The following CADM2 variants were observed in gnomAD, a reference collection of about 807,000 sequenced individuals.
CADM2 encodes immunoglobulin superfamily member 4D.
In CADM2, 12 loss-of-function variants were observed where a neutral mutation model predicts 49.8. That is an observed-to-expected ratio of 0.24 (90% CI 0.15 to 0.39). The LOEUF is 0.39. Among genes scored for constraint, CADM2 ranks in the 10% least tolerant of loss-of-function variants. The pLI is 1.00. For synonymous variants in CADM2, 214 were observed against 175.4 expected, an observed-to-expected ratio of 1.22 and a Z score of -1.74; for missense variants, 378 against 492.3, an observed-to-expected ratio of 0.77 and a Z score of 2.20.
intron 1 of CADM2, among the ~76,000 whole-genome samples, chr3:85,709,519 A>G (rs2067050899): frequency 1.3e-5 from 2 of 152,142 alleles, no homozygotes; most frequent in Admixed American, 6.5e-5. Flanking sequence ...ACCTACACTA[A>G]CAAAAATGGT....
intron 1 of CADM2, among the ~76,000 whole-genome samples, chr3:85,411,487 G>A (rs2035653041): frequency 6.6e-6 from 1 of 152,136 alleles, no homozygotes; most frequent in South Asian, 2.1e-4. Context: ...TTAAATAAGT[G>A]GGATGATTCT....
intron 1 of CADM2, among the ~76,000 whole-genome samples, chr3:85,568,469 C>CTTTCTT (rs374134738): frequency 0.027 from 292 of 11,014 alleles, 24 homozygotes; most frequent in African/African-American, 0.033. Context: ...CTTTCTCTTT[C>CTTTCTT]TCTCTCTTTC....
At chr3:85,018,638 C>T (rs1226528796) in intron 1 of CADM2, among the ~76,000 whole-genome samples, 1 of 152,096 alleles carries the variant, frequency 6.6e-6, no homozygotes, top group Non-Finnish European at 1.5e-5. Flanking sequence ...TACATAAACT[C>T]ACAGATACTT....
intron 7 of CADM2, among the ~76,000 whole-genome samples, chr3:85,945,409 T>A (rs1319746353): frequency 2.0e-5 from 3 of 151,922 alleles, no homozygotes. Flanking sequence ...AAAGAGGGAA[T>A]CCTCCCCAAC....
intron 3 of CADM2, among the ~76,000 whole-genome samples, chr3:85,827,054 G>A (rs1309992307): frequency 6.6e-6 from 1 of 151,882 alleles, no homozygotes; most frequent in Non-Finnish European, 1.5e-5. Flanking sequence ...AAAATGGATG[G>A]TCACATATGC....
At chr3:85,241,586 T>G (rs1411506423) in intron 1 of CADM2, among the ~76,000 whole-genome samples, 2 of 151,572 alleles carry the variant, frequency 1.3e-5, no homozygotes, top group African/African-American at 4.8e-5. Flanking sequence ...TCAGTTTAAA[T>G]GTTCAGTTGT....
intron 1 of CADM2, among the ~76,000 whole-genome samples, chr3:85,117,163 G>T (rs181899518): frequency 7.9e-5 from 12 of 152,234 alleles, no homozygotes; most frequent in Admixed American, 2.6e-4. Context: ...GGAGGTTGCA[G>T]TGAGCCAATA....
chr3:85,701,584 G>A (rs753634428), intron 1 of CADM2, among the ~76,000 whole-genome samples: 55 of 152,156 alleles, frequency 3.6e-4, no homozygotes, highest in Non-Finnish European at 4.9e-4. Flanking sequence ...GAGTGGCAAA[G>A]AATTTGCAGC....
chr3:85,591,266 A>G (rs187370752), intron 1 of CADM2, among the ~76,000 whole-genome samples: 2 of 151,978 alleles, frequency 1.3e-5, no homozygotes, highest in Non-Finnish European at 2.9e-5. Flanking sequence ...TGTGAAAATT[A>G]AAAAGAATTG....
At chr3:85,715,667 G>C (rs55694208) in intron 1 of CADM2, among the ~76,000 whole-genome samples, 9,901 of 151,830 alleles carry the variant, frequency 0.065, 853 homozygotes, top group African/African-American at 0.2. Context: ...CCCTCCACCC[G>C]CTGACAGACC....
At chr3:85,207,603 A>G (rs897370186) in intron 1 of CADM2, among the ~76,000 whole-genome samples, 2 of 152,124 alleles carry the variant, frequency 1.3e-5, no homozygotes, top group South Asian at 2.1e-4. Context: ...ATTCTTGACT[A>G]AAGTATTTTT....
chr3:85,294,421 C>A (rs1465166301), intron 1 of CADM2, among the ~76,000 whole-genome samples: 1 of 151,618 alleles, frequency 6.6e-6, no homozygotes, highest in Non-Finnish European at 1.5e-5. Flanking sequence ...CCTTTCTTCA[C>A]AGAATTGGAA....
intron 1 of CADM2, among the ~76,000 whole-genome samples, chr3:85,573,351 C>G (rs2062539782): frequency 6.6e-6 from 1 of 151,976 alleles, no homozygotes; most frequent in Non-Finnish European, 1.5e-5. Flanking sequence ...TGCCACCAGG[C>G]TCAGCTAAGT....
chr3:85,966,841 A>T (rs1725536639), intron 8 of CADM2, among the ~76,000 whole-genome samples: 1 of 151,794 alleles, frequency 6.6e-6, no homozygotes, highest in East Asian at 2.0e-4. Context: ...TGTTTCCAGG[A>T]TAATTTACTT....
chr3:85,382,871 A>G (rs1319819683), intron 1 of CADM2, among the ~76,000 whole-genome samples: 1 of 152,176 alleles, frequency 6.6e-6, no homozygotes, highest in African/African-American at 2.4e-5. Flanking sequence ...AACTACATCA[A>G]TAAAACTGCC....
intron 1 of CADM2, among the ~76,000 whole-genome samples, chr3:85,171,339 C>T (rs1007834721): frequency 6.6e-6 from 1 of 152,084 alleles, no homozygotes; most frequent in Non-Finnish European, 1.5e-5. Context: ...TCTATTAAAT[C>T]AAAAGAATCA....
rs572410489 is a variant in CADM2 at position 85,240,923 on chromosome 3, A to G, written c.61+281255A>G. ...TTTTGATACAGGCATACAATGCATG[A>G]TGATCAAATCAGGGTAATTGGCAGA... On this transcript the variant is annotated intron_variant, in intron 1 of 9. Transcript: ENST00000383699. Among the ~76,000 whole-genome samples, 13 of 151,714 alleles carry G rather than the reference A, an allele frequency of 8.6e-5. No individual in the cohort carries two copies. The South Asian group carries it at 2.7e-3, about 31-fold the overall frequency.
intron 1 of CADM2, among the ~76,000 whole-genome samples, chr3:85,383,956 G>T (rs1224678939): frequency 6.6e-6 from 1 of 152,042 alleles, no homozygotes; most frequent in African/African-American, 2.4e-5. Context: ...TCTCTGAAAA[G>T]ACTAATAAAT....
At chr3:85,377,074 T>G (rs2033634605) in intron 1 of CADM2, among the ~76,000 whole-genome samples, 1 of 152,108 alleles carries the variant, frequency 6.6e-6, no homozygotes, top group Non-Finnish European at 1.5e-5. Context: ...TTTGTTTCTT[T>G]TCTTTCCTTG....
Sources: allele counts gnomAD v4.1 joint callset (sites outside exome capture counted in the v4.1 genomes callset), GRCh38; gene constraint gnomAD v4.1.1; transcripts MANE v1.5; gene names NCBI Gene and HGNC (gene_info 2026-07-23, HGNC 2026-07-21).